The following RBFOX1 variants were observed in gnomAD, a reference collection of about 807,000 sequenced individuals.
RBFOX1 encodes RNA binding fox-1 homolog 1.
In RBFOX1, 8 loss-of-function variants were observed where a neutral mutation model predicts 57.7. The ratio of observed to expected loss-of-function variants is 0.14; its 90% confidence interval spans 0.08 to 0.25. RBFOX1 has a LOEUF of 0.25. RBFOX1 is among the 10% of genes least tolerant of loss of function. The pLI, the probability that RBFOX1 is intolerant of heterozygous loss-of-function variation, is 1.00. For synonymous variants in RBFOX1, 326 were observed against 222.4 expected (o/e 1.47, Z -4.15); for missense variants, 611 against 548.5 (o/e 1.11, Z -1.14).
intron 1 of RBFOX1, among the ~76,000 whole-genome samples, chr16:6,210,271 T>A (rs2152847480): frequency 7.4e-6 from 1 of 134,912 alleles, no homozygotes; most frequent in Non-Finnish European, 1.5e-5. Context: ...TAAGCTGAGA[T>A]CACGCATTGC....
At chr16:6,949,222 A>G (rs939771545) in intron 3 of RBFOX1, among the ~76,000 whole-genome samples, 2 of 152,202 alleles carry the variant, frequency 1.3e-5, no homozygotes, top group African/African-American at 4.8e-5. Context: ...GGATATAGAA[A>G]CAAGCCTATA....
chr16:7,638,965 A>G (rs1349177200), intron 11 of RBFOX1, among the ~76,000 whole-genome samples: 2 of 152,120 alleles, frequency 1.3e-5, no homozygotes, highest in Admixed American at 6.5e-5. Context: ...ATTTTGTACC[A>G]TTTTATCACA....
At chr16:6,812,703 T>A (rs151052129) in intron 3 of RBFOX1, among the ~76,000 whole-genome samples, 151 of 152,238 alleles carry the variant, frequency 9.9e-4, no homozygotes, top group African/African-American at 3.3e-3. Context: ...TGCCTAAATG[T>A]GGTCTAAATC....
intron 4 of RBFOX1, among the ~76,000 whole-genome samples, chr16:7,157,055 C>T (rs577034624): frequency 7.9e-4 from 121 of 152,286 alleles, no homozygotes; most frequent in Non-Finnish European, 1.4e-3. Context: ...TCCTGTTTTT[C>T]CCCTATTATA....
intron 3 of RBFOX1, among the ~76,000 whole-genome samples, chr16:6,959,434 A>G (rs1476910675): frequency 2.0e-5 from 3 of 152,200 alleles, no homozygotes; most frequent in African/African-American, 7.2e-5. Context: ...CACAGCAGGG[A>G]TGAAGGCAGA....
intron 3 of RBFOX1, among the ~76,000 whole-genome samples, chr16:5,673,028 G>A (rs371265739): frequency 6.6e-6 from 1 of 152,118 alleles, no homozygotes; most frequent in African/African-American, 2.4e-5. Flanking sequence ...ACTCTGGGGT[G>A]GGTGAGATGG....
intron 1 of RBFOX1, among the ~76,000 whole-genome samples, chr16:6,285,923 T>C (rs2076860831): frequency 1.3e-5 from 2 of 152,118 alleles, no homozygotes; most frequent in Admixed American, 6.6e-5. Context: ...ATTAAATAAA[T>C]TGAGGCTTCT....
chr16:7,539,488 G>A (rs2082339342), intron 5 of RBFOX1, among the ~76,000 whole-genome samples: 1 of 152,190 alleles, frequency 6.6e-6, no homozygotes, highest in African/African-American at 2.4e-5. Flanking sequence ...GCACATCTGA[G>A]AAGCCCAGGT....
At chr16:6,850,028 A>G (rs943787520) in intron 3 of RBFOX1, among the ~76,000 whole-genome samples, 1 of 152,190 alleles carries the variant, frequency 6.6e-6, no homozygotes, top group African/African-American at 2.4e-5. Context: ...TTTTTTCTCA[A>G]AGAAATACAC....
At chr16:7,420,292 C>T (rs1310231874) in intron 4 of RBFOX1, among the ~76,000 whole-genome samples, 2 of 152,136 alleles carry the variant, frequency 1.3e-5, no homozygotes, top group African/African-American at 2.4e-5. Flanking sequence ...AAGCCCTTGC[C>T]TCCCAAACAT....
intron 3 of RBFOX1, among the ~76,000 whole-genome samples, chr16:6,946,491 T>C (rs1382871184): frequency 1.3e-5 from 2 of 152,208 alleles, no homozygotes; most frequent in East Asian, 3.9e-4. Context: ...ATAGCCTGTT[T>C]TCTCCTCCTT....
chr16:7,298,444 A>C (rs954914304), intron 4 of RBFOX1, among the ~76,000 whole-genome samples: 1 of 152,020 alleles, frequency 6.6e-6, no homozygotes, highest in Non-Finnish European at 1.5e-5. Context: ...GCGTGCGACT[A>C]TGCCTGAGGG....
Position 7,464,887 on chromosome 16 carries a change from C to T in RBFOX1, c.28-53260C>T, listed in dbSNP as rs373148355. 4.3e-3 allele frequency among the ~76,000 whole-genome samples: 647 copies of T among 151,716 alleles called. 6 individuals are homozygous for T. Among genetic ancestry groups the T allele is most frequent in the East Asian group, 0.018 (93 of 5,136 alleles). ...AATTTTTTTGTATTTTTAGTAGAGA[C>T]GGGGTTTCACCGTGTTAGCCAGGAT... On this transcript the variant is annotated intron_variant, in intron 4 of 15. Coordinates refer to ENST00000550418, the MANE Select transcript of RBFOX1 (RefSeq NM_018723.4).
At position 6,266,159 on chromosome 16, in the gene RBFOX1, A is replaced by G. The variant is rs1329626904; in HGVS notation, c.-126-50836A>G. 2.6e-5 allele frequency among the ~76,000 whole-genome samples: 4 copies of G among 152,130 alleles called. No individual in the cohort carries two copies. In the East Asian group the frequency reaches 5.8e-4, roughly 22 times the overall value. The stretch of plus-strand genomic sequence containing the variant: ...AACTTATTCTCTTCTCCCACTGTGG[A>G]GAGATCAGTGAGTCACTTCTCTATC... On this transcript the variant is annotated intron_variant, in intron 1 of 15. Coordinates refer to ENST00000550418, the MANE Select transcript of RBFOX1 (RefSeq NM_018723.4).
chr16:6,439,575 T>A (rs1373267689), intron 2 of RBFOX1, among the ~76,000 whole-genome samples: 1 of 152,190 alleles, frequency 6.6e-6, no homozygotes, highest in African/African-American at 2.4e-5. Flanking sequence ...AAGTGTTGAC[T>A]GGAGTTCAGT....
At chr16:7,430,839 T>C (rs2098672342) in intron 4 of RBFOX1, among the ~76,000 whole-genome samples, 1 of 152,216 alleles carries the variant, frequency 6.6e-6, no homozygotes, top group Non-Finnish European at 1.5e-5. Context: ...AGCATCCTTA[T>C]TCATAGGAAG....
chr16:7,436,968 C>G (rs949869861), intron 4 of RBFOX1, among the ~76,000 whole-genome samples: 4 of 152,142 alleles, frequency 2.6e-5, no homozygotes, highest in African/African-American at 9.7e-5. Flanking sequence ...GTAATCCGAG[C>G]TACTCAGGAA....
chr16:6,917,938 C>G (rs563872476), intron 3 of RBFOX1, among the ~76,000 whole-genome samples: 3 of 152,142 alleles, frequency 2.0e-5, no homozygotes, highest in African/African-American at 7.2e-5. Flanking sequence ...GGTGTTCTTA[C>G]TCAACCTAAG....
At chr16:5,694,532 C>G (rs958282893) in intron 3 of RBFOX1, among the ~76,000 whole-genome samples, 1 of 152,108 alleles carries the variant, frequency 6.6e-6, no homozygotes, top group African/African-American at 2.4e-5. Flanking sequence ...TTACCAAGAG[C>G]TTAATGGTAC....
Sources: gnomAD v4.1 joint callset for allele counts (sites outside exome capture counted in the v4.1 genomes callset) on GRCh38, gnomAD v4.1.1 for gene constraint, MANE v1.5 for transcripts, NCBI Gene and HGNC (gene_info 2026-07-23, HGNC 2026-07-21) for gene names.